The following CREM variants were observed in gnomAD, a reference collection of about 807,000 sequenced individuals.
CREM encodes the protein cAMP-responsive element modulator.
In CREM, 13 loss-of-function variants were observed where a neutral mutation model predicts 37.3. That is an observed-to-expected ratio of 0.35 (90% confidence interval 0.23 to 0.55). The LOEUF (loss-of-function observed/expected upper bound fraction) is 0.55, where lower values mean the gene tolerates loss of function less well. Among genes scored for constraint, CREM ranks in the 20% least tolerant of loss-of-function variants. CREM has a pLI of 0.88. For synonymous variants in CREM, 124 were observed against 120.2 expected, an observed-to-expected ratio of 1.03 and a Z score of -0.21; for missense variants, 296 against 362.3, an observed-to-expected ratio of 0.82 and a Z score of 1.49.
chr10:35,156,459 A>C (rs2092921752), intron 3 of CREM, among the ~76,000 whole-genome samples: 1 of 152,124 alleles, frequency 6.6e-6, no homozygotes, highest in Admixed American at 6.6e-5. Context: ...TGTCTTGTTC[A>C]GGCTGGTCTC....
intron 5 of CREM, among the ~76,000 whole-genome samples, chr10:35,185,790 C>T (rs949318916): frequency 1.3e-5 from 2 of 152,178 alleles, no homozygotes; most frequent in African/African-American, 4.8e-5. Context: ...CATTCTGTAA[C>T]TGACTCTTCA....
intron 3 of CREM, among the ~76,000 whole-genome samples, chr10:35,175,240 G>A (rs12264697): frequency 0.34 from 51,165 of 151,856 alleles, 8,759 homozygotes; most frequent in African/African-American, 0.4. Context: ...AAGGTCAGGA[G>A]ATCGAGACCA....
chr10:35,137,982 A>G (rs2090835458), intron 2 of CREM, 103 bp downstream of exon 2: 25 of 717,688 alleles, frequency 3.5e-5, no homozygotes, highest in Non-Finnish European at 5.2e-5. Flanking sequence ...GTATGTATGT[A>G]TATATATTCT....
chr10:35,160,934 G>A (rs1446501192), intron 3 of CREM, among the ~76,000 whole-genome samples: 1 of 152,154 alleles, frequency 6.6e-6, no homozygotes, highest in East Asian at 1.9e-4. Flanking sequence ...CTCAGGGAAA[G>A]AACACTCATG....
intron 3 of CREM, among the ~76,000 whole-genome samples, chr10:35,168,067 G>A (rs2093637731): frequency 2.0e-5 from 3 of 152,080 alleles, no homozygotes; most frequent in African/African-American, 7.2e-5. Context: ...CATTTGGGTT[G>A]GTTCCAAGTT....
intron 3 of CREM, among the ~76,000 whole-genome samples, chr10:35,158,994 A>G (rs574947943): frequency 2.0e-4 from 31 of 151,888 alleles, no homozygotes; most frequent in Non-Finnish European, 4.1e-4. Context: ...TTTTTTGAAG[A>G]AAGAAAGTGA....
Position 35,146,104 on chromosome 10 carries a change from C to T in CREM, c.45-2264C>T, listed in dbSNP as rs555611548. The stretch of plus-strand genomic sequence containing the variant: ...GTATTTTCAGGGCCTGCCATGTAGA[C>T]TATGCTAAATGAATGTTTCTAGAAT... On this transcript the variant is annotated intron_variant, in intron 2 of 7. Coordinates refer to ENST00000685392, the MANE Select transcript of CREM (RefSeq NM_183011.2). 4.4e-4 allele frequency among the ~76,000 whole-genome samples: 67 copies of T among 152,320 alleles called. 1 individual carries two copies. In the South Asian group the frequency reaches 0.012, roughly 28 times the overall value.
At chr10:35,142,955 C>G (rs1161290770) in intron 2 of CREM, among the ~76,000 whole-genome samples, 5 of 151,984 alleles carry the variant, frequency 3.3e-5, no homozygotes, top group Admixed American at 2.6e-4. Flanking sequence ...TGTTCATCTG[C>G]CTTGGTGCAG....
At chr10:35,180,364 G>A (rs2094302615) in intron 5 of CREM, among the ~76,000 whole-genome samples, 1 of 152,064 alleles carries the variant, frequency 6.6e-6, no homozygotes, top group Non-Finnish European at 1.5e-5. Flanking sequence ...CTTAATTTAA[G>A]TCCTGACTAC....
At chr10:35,196,129 C>G (rs777794990) in intron 6 of CREM, 13 of 1,611,744 alleles carry the variant, frequency 8.1e-6, no homozygotes, top group African/African-American at 6.7e-5. Flanking sequence ...TGAGGCCGTC[C>G]CTGCATGCGC....
intron 3 of CREM, chr10:35,167,512 A>G (rs909893357): frequency 1.8e-6 from 1 of 558,630 alleles, no homozygotes; most frequent in African/African-American, 1.9e-5. Flanking sequence ...ATACTATGAC[A>G]TCATAAACCC....
intron 6 of CREM, among the ~76,000 whole-genome samples, chr10:35,193,460 T>C (rs557660825): frequency 5.3e-5 from 8 of 152,320 alleles, no homozygotes; most frequent in African/African-American, 1.9e-4. Flanking sequence ...ATTGATTTTC[T>C]GAAATTTGAA....
chr10:35,204,911 C>G (rs2095484677), intron 6 of CREM, among the ~76,000 whole-genome samples: 1 of 152,162 alleles, frequency 6.6e-6, no homozygotes, highest in Non-Finnish European at 1.5e-5. Context: ...CCATGGGTAG[C>G]ATTTCACTTC....
intron 6 of CREM, chr10:35,195,345 A>G (rs1037990725): frequency 2.2e-6 from 2 of 912,826 alleles, no homozygotes; most frequent in East Asian, 2.7e-5. Flanking sequence ...CTTTTTTTGA[A>G]ATATACATCT....
intron 3 of CREM, among the ~76,000 whole-genome samples, chr10:35,157,141 G>T (rs756974879): frequency 2.0e-5 from 3 of 152,048 alleles, no homozygotes; most frequent in Non-Finnish European, 4.4e-5. Context: ...GAAGGAAAAA[G>T]ACCATATCAT....
intron 5 of CREM, among the ~76,000 whole-genome samples, chr10:35,186,262 A>G (rs2094550650): frequency 6.6e-6 from 1 of 152,188 alleles, no homozygotes; most frequent in Non-Finnish European, 1.5e-5. Context: ...GACCTTTCAG[A>G]TATTTTAAAT....
chr10:35,185,069 T>A (rs1284770054), intron 5 of CREM, among the ~76,000 whole-genome samples: 1 of 151,884 alleles, frequency 6.6e-6, no homozygotes, highest in Non-Finnish European at 1.5e-5. Flanking sequence ...ATTCATTCTA[T>A]TTTTTGAGTG....
Position 35,149,889 on chromosome 10 carries a change from A to AACACACACACACACACACACAC in CREM, c.168+1427_168+1448dup, listed in dbSNP as rs55971717. ...TAGGTTAGGCCAGGCCTTTTGCTTA[A>AACACACACACACACACACACAC]ACACACACACACACACACACACACA... On this transcript the variant is annotated intron_variant, in intron 3 of 7. Coordinates refer to ENST00000685392, the MANE Select transcript of CREM (RefSeq NM_183011.2). Among the ~76,000 whole-genome samples, 314 of 111,906 alleles carry AACACACACACACACACACACAC rather than the reference A, an allele frequency of 2.8e-3. 9 individuals carry two copies. The highest frequency in any genetic ancestry group is 3.6e-3 in the South Asian group (11 of 3,024). 73.4% of individuals were successfully genotyped at this position (111,906 alleles called of 152,430 possible). A position where few individuals can be genotyped will look rare whatever the true frequency, so the allele number is the denominator to read the frequency against.
chr10:35,211,841 T>TG lies in CREM; in HGVS notation c.*444dup. The stretch of plus-strand genomic sequence containing the variant: ...ATGAACTGAAGGCAGCATGTATAGT[T>TG]GCTTTTGAAGGAATACAATATATAG... On this transcript the variant is annotated 3_prime_UTR_variant, in exon 8 of 8. Transcript: ENST00000685392. The TG allele has an allele frequency of 6.4e-7, 1 of 1,559,326 alleles. No homozygotes were observed. Among genetic ancestry groups the TG allele is most frequent in the Non-Finnish European group, 8.7e-7 (1 of 1,155,306 alleles).
Sources: allele counts gnomAD v4.1 joint callset (sites outside exome capture counted in the v4.1 genomes callset), GRCh38; gene constraint gnomAD v4.1.1; transcripts MANE v1.5; gene names NCBI Gene and HGNC (gene_info 2026-07-23, HGNC 2026-07-21).